Variants in NBEA observed in about 807,000 individuals in gnomAD.
NBEA encodes the protein neurobeachin.
NBEA carries 44 observed loss-of-function variants against 343.4 expected under a neutral mutation model. The observed-to-expected ratio is 0.13, with a 90% CI of 0.10 to 0.16. The LOEUF (loss-of-function observed/expected upper bound fraction) is 0.16. NBEA is among the 10% of genes least tolerant of loss of function. The pLI is 1.00. For missense variants in NBEA, 2,555 were observed against 3,631.3 expected (o/e 0.70, Z 7.62); for synonymous variants, 1,175 against 1,238.7 (o/e 0.95, Z 1.08).
At chr13:35,523,463 T>C (rs2077816698) in intron 41 of NBEA, among the ~76,000 whole-genome samples, 1 of 152,182 alleles carries the variant, frequency 6.6e-6, no homozygotes, top group African/African-American at 2.4e-5. Flanking sequence ...TGGAGAGGTC[T>C]AGTGGACATT....
intron 8 of NBEA, among the ~76,000 whole-genome samples, chr13:35,062,411 G>T (rs1465679383): frequency 6.6e-6 from 1 of 151,612 alleles, no homozygotes; most frequent in African/African-American, 2.4e-5. Context: ...ATAAGAGAAA[G>T]CCAGAAAAAA....
chr13:34,959,547 G>C (rs936098766), intron 1 of NBEA, among the ~76,000 whole-genome samples: 3 of 151,968 alleles, frequency 2.0e-5, no homozygotes, highest in African/African-American at 2.4e-5. Context: ...AAAAAAAAAT[G>C]TTCATTTTTA....
chr13:35,307,948 G>T (rs2152830844), intron 35 of NBEA, among the ~76,000 whole-genome samples: 1 of 152,046 alleles, frequency 6.6e-6, no homozygotes, highest in East Asian at 1.9e-4. Flanking sequence ...TTGTCATTTG[G>T]ATAAATTTTA....
At chr13:35,576,172 G>A (rs1352109902) in intron 45 of NBEA, among the ~76,000 whole-genome samples, 4 of 150,122 alleles carry the variant, frequency 2.7e-5, no homozygotes, top group African/African-American at 9.8e-5. Context: ...GCTGGAGTGC[G>A]GTGGTGCAAT....
At chr13:35,381,260 T>C in intron 38 of NBEA, among the ~76,000 whole-genome samples, 1 of 152,116 alleles carries the variant, frequency 6.6e-6, no homozygotes, top group East Asian at 1.9e-4. Flanking sequence ...ATATACTTTC[T>C]TTCATCCAAA....
At chr13:35,271,100 G>C (rs887223152) in intron 34 of NBEA, among the ~76,000 whole-genome samples, 1 of 152,208 alleles carries the variant, frequency 6.6e-6, no homozygotes, top group Non-Finnish European at 1.5e-5. Flanking sequence ...CCCAGTAGGG[G>C]CCTACAGACA....
intron 44 of NBEA, among the ~76,000 whole-genome samples, chr13:35,556,744 A>G (rs954763058): frequency 2.0e-5 from 3 of 152,106 alleles, no homozygotes; most frequent in Non-Finnish European, 2.9e-5. Flanking sequence ...TTTCTCATTC[A>G]TTGCTTATAT....
intron 38 of NBEA, among the ~76,000 whole-genome samples, chr13:35,422,184 C>T (rs1321393205): frequency 2.7e-5 from 4 of 148,928 alleles, no homozygotes; most frequent in Non-Finnish European, 4.4e-5. Context: ...TTTTAGGGTA[C>T]ATGTGCACAA....
chr13:35,463,536 G>A (rs926285542), intron 40 of NBEA, among the ~76,000 whole-genome samples: 7 of 151,948 alleles, frequency 4.6e-5, no homozygotes, highest in Admixed American at 2.6e-4. Context: ...GATGTGGGAG[G>A]ATCCCTTGAG....
chr13:35,025,035 G>A (rs959471244), intron 1 of NBEA, among the ~76,000 whole-genome samples: 25 of 152,072 alleles, frequency 1.6e-4, no homozygotes, highest in Admixed American at 1.2e-3. Flanking sequence ...TTTTTTAGTT[G>A]TTGATTTGTT....
chr13:35,651,066 A>C (rs757461983), intron 52 of NBEA, among the ~76,000 whole-genome samples: 4 of 152,238 alleles, frequency 2.6e-5, no homozygotes, highest in Non-Finnish European at 4.4e-5. Flanking sequence ...TGACTGTATT[A>C]TTCTCAGGAG....
intron 33 of NBEA, among the ~76,000 whole-genome samples, chr13:35,223,458 C>T (rs2074486405): frequency 6.6e-6 from 1 of 152,130 alleles, no homozygotes; most frequent in East Asian, 1.9e-4. Flanking sequence ...GGGATTTCAT[C>T]TCATTTCTTC....
intron 31 of NBEA, among the ~76,000 whole-genome samples, chr13:35,205,391 G>T (rs1281512200): frequency 6.6e-6 from 1 of 152,016 alleles, no homozygotes; most frequent in Non-Finnish European, 1.5e-5. Context: ...TTTTCTTCTT[G>T]TTGGTCCTAA....
chr13:35,242,124 T>G (rs1216723235), intron 34 of NBEA, among the ~76,000 whole-genome samples: 1 of 151,922 alleles, frequency 6.6e-6, no homozygotes, highest in Non-Finnish European at 1.5e-5. Flanking sequence ...AACAACTGTC[T>G]TTAATATGCC....
intron 55 of NBEA, 72 bp from the exon 56 acceptor site, chr13:35,665,013 A>T: frequency 9.9e-7 from 1 of 1,007,310 alleles, no homozygotes; most frequent in Admixed American, 2.1e-5. Flanking sequence ...TTTTTTGAAT[A>T]TTGCATTGCT....
intron 6 of NBEA, among the ~76,000 whole-genome samples, chr13:35,052,902 C>G (rs974658876): frequency 6.6e-6 from 1 of 151,952 alleles, no homozygotes; most frequent in African/African-American, 2.4e-5. Context: ...TATTAATTAT[C>G]TTAAGTTAAT....
chr13:35,558,463 A>G (rs9530704), intron 44 of NBEA, among the ~76,000 whole-genome samples: 12,424 of 152,242 alleles, frequency 0.082, 786 homozygotes, highest in East Asian at 0.31. Context: ...GGGCATTCCA[A>G]GAAGAAAATG....
rs150390202 is a variant in NBEA at position 35,349,674 on chromosome 13, G to A, written c.6012+458G>A. ...TTTATTCCATTTACAAGACAAAATA[G>A]GTCCGAGAAATATTTATGTGCCCTG... On this transcript the variant is annotated intron_variant, in intron 37 of 58. Coordinates refer to ENST00000379939, the MANE Select transcript of NBEA (RefSeq NM_001385012.1). Among the ~76,000 whole-genome samples the A allele has an allele frequency of 4.1e-3, 620 of 152,092 alleles. 5 individuals carry two copies. The highest frequency in any genetic ancestry group is 6.8e-3 in the Middle Eastern group (2 of 294).
At chr13:35,210,630 A>G (rs964326181) in intron 32 of NBEA, among the ~76,000 whole-genome samples, 10 of 152,172 alleles carry the variant, frequency 6.6e-5, no homozygotes, top group Admixed American at 5.2e-4. Flanking sequence ...GGAGCATTAG[A>G]TGCTTCAGTG....
Sources: allele counts gnomAD v4.1 joint callset (sites outside exome capture counted in the v4.1 genomes callset), GRCh38; gene constraint gnomAD v4.1.1; transcripts MANE v1.5; gene names NCBI Gene and HGNC (gene_info 2026-07-23, HGNC 2026-07-21).